DPP6: variants seen among roughly 807,000 people sequenced by gnomAD.
DPP6 encodes dipeptidyl peptidase like 6.
In DPP6, 69 loss-of-function variants were observed where a neutral mutation model predicts 122.6. That is an observed-to-expected ratio of 0.56 (90% confidence interval 0.46 to 0.69). DPP6 has a LOEUF of 0.69. DPP6 is among the 30% of genes least tolerant of loss of function. The pLI, the probability that DPP6 is intolerant of heterozygous loss-of-function variation, is 0.00. For missense variants in DPP6, 928 were observed against 1,116.9 expected, an observed-to-expected ratio of 0.83 and a Z score of 2.41; for synonymous variants, 418 against 433.1, an observed-to-expected ratio of 0.97 and a Z score of 0.43.
At chr7:153,842,950 C>T in the DPP6 span, among the ~76,000 whole-genome samples, 6 of 152,262 alleles carry the variant, frequency 3.9e-5, no homozygotes, top group Non-Finnish European at 5.9e-5. Flanking sequence ...GGAAGAAAAT[C>T]GATGCCCCCA....
the DPP6 span, among the ~76,000 whole-genome samples, chr7:153,871,740 C>T: frequency 3.9e-5 from 6 of 152,208 alleles, no homozygotes; most frequent in Non-Finnish European, 5.9e-5. Context: ...CCTTCTGCGT[C>T]GCTCACGCTG....
intron 1 of DPP6, among the ~76,000 whole-genome samples, chr7:154,158,842 C>A (rs1364404131): frequency 6.6e-6 from 1 of 152,002 alleles, no homozygotes; most frequent in Admixed American, 6.6e-5. Context: ...CACCTCTTGC[C>A]CAGGGAACAT....
At chr7:153,837,299 C>A in the DPP6 span, among the ~76,000 whole-genome samples, 1 of 152,172 alleles carries the variant, frequency 6.6e-6, no homozygotes. Flanking sequence ...ACAGCAATAG[C>A]TGCCAATGTT....
chr7:154,651,397 G>A (rs1013482534), intron 6 of DPP6, among the ~76,000 whole-genome samples: 5 of 152,148 alleles, frequency 3.3e-5, no homozygotes, highest in Admixed American at 6.5e-5. Context: ...TGCAGCCTGT[G>A]AAAAACCTAT....
At chr7:154,748,585 G>A (rs1032723634) in intron 8 of DPP6, among the ~76,000 whole-genome samples, 86 of 152,358 alleles carry the variant, frequency 5.6e-4, no homozygotes, top group African/African-American at 1.8e-3. Context: ...CCTGCGGGGC[G>A]GGGAGGGAGA....
chr7:154,815,184 C>A (rs1799339993), intron 16 of DPP6, among the ~76,000 whole-genome samples: 1 of 152,224 alleles, frequency 6.6e-6, no homozygotes, highest in Non-Finnish European at 1.5e-5. Flanking sequence ...GGTTTCACTG[C>A]ATTCTGGAAG....
chr7:154,216,802 G>C (rs1800024631), intron 1 of DPP6, among the ~76,000 whole-genome samples: 1 of 148,210 alleles, frequency 6.7e-6, no homozygotes, highest in Non-Finnish European at 1.5e-5. Flanking sequence ...GCTGTTGTTT[G>C]AGCAGAGGTC....
chr7:154,533,978 A>C (rs1417998160), intron 3 of DPP6, among the ~76,000 whole-genome samples: 3 of 150,076 alleles, frequency 2.0e-5, no homozygotes, highest in African/African-American at 7.4e-5. Context: ...AGCCTAGGTA[A>C]CAGAGCAAGA....
chr7:154,266,844 T>A (rs1156519471), intron 1 of DPP6, among the ~76,000 whole-genome samples: 1 of 152,222 alleles, frequency 6.6e-6, no homozygotes, highest in Admixed American at 6.5e-5. Flanking sequence ...CAAGATGTTA[T>A]TTGCCTTTTG....
intron 1 of DPP6, among the ~76,000 whole-genome samples, chr7:153,906,816 C>T (rs1799872531): frequency 6.6e-6 from 1 of 152,182 alleles, no homozygotes; most frequent in Non-Finnish European, 1.5e-5. Context: ...TTCTACCCCT[C>T]CTGGAAAAGA....
intron 12 of DPP6, among the ~76,000 whole-genome samples, chr7:154,800,805 C>T (rs1335484094): frequency 6.6e-6 from 1 of 152,112 alleles, no homozygotes; most frequent in Non-Finnish European, 1.5e-5. Context: ...TTTTTCTTGC[C>T]TTCTTGATGG....
chr7:154,865,687 T>C (rs1243469644), intron 17 of DPP6, among the ~76,000 whole-genome samples: 1 of 152,184 alleles, frequency 6.6e-6, no homozygotes, highest in East Asian at 1.9e-4. Context: ...GTTGATAGTC[T>C]GGCCTCAGTT....
At chr7:154,429,734 C>T (rs1043873113) in intron 1 of DPP6, among the ~76,000 whole-genome samples, 1 of 152,166 alleles carries the variant, frequency 6.6e-6, no homozygotes, top group African/African-American at 2.4e-5. Flanking sequence ...AATGTGGAGA[C>T]CACGTTCCTC....
rs1015994373 is a variant in DPP6 at position 154,251,778 on chromosome 7, C to T, written c.244-194436C>T. 7.7e-5 allele frequency among the ~76,000 whole-genome samples: 10 copies of T among 130,474 alleles called. No individual in the cohort carries two copies. The East Asian group carries it at 1.0e-3, about 13-fold the overall frequency. 85.6% of individuals were successfully genotyped at this position (130,474 alleles called of 152,430 possible). A position where few individuals can be genotyped will look rare whatever the true frequency, so the allele number is the denominator to read the frequency against. On this transcript the variant is annotated intron_variant, in intron 1 of 25. Coordinates refer to ENST00000377770, the MANE Select transcript of DPP6 (RefSeq NM_130797.4). Reference sequence around the variant, plus strand: ...GCCGGAAGTCTCAGCAAGTCGGCTTCTCCCACCTTCTCCTGCCTGCCTTAC... The same window carrying T: ...GCCGGAAGTCTCAGCAAGTCGGCTTTTCCCACCTTCTCCTGCCTGCCTTAC...
At chr7:154,359,897 T>C (rs1015035692) in intron 1 of DPP6, among the ~76,000 whole-genome samples, 1 of 152,150 alleles carries the variant, frequency 6.6e-6, no homozygotes, top group Non-Finnish European at 1.5e-5. Context: ...GCATTAGAAC[T>C]AGAAAGTCTA....
chr7:154,725,652 A>G (rs1266370085), intron 7 of DPP6, among the ~76,000 whole-genome samples: 2 of 152,106 alleles, frequency 1.3e-5, no homozygotes, highest in African/African-American at 4.8e-5. Flanking sequence ...AATCCAAACC[A>G]TATCATTCCA....
intron 25 of DPP6, 28 bp from the exon 26 acceptor site, chr7:154,892,306 G>A: frequency 1.9e-6 from 3 of 1,613,996 alleles, no homozygotes; most frequent in Non-Finnish European, 2.5e-6. Flanking sequence ...ATACCTGGGA[G>A]AGTAATTTCT....
At chr7:154,373,378 G>A (rs1812839926) in intron 1 of DPP6, among the ~76,000 whole-genome samples, 1 of 152,082 alleles carries the variant, frequency 6.6e-6, no homozygotes, top group African/African-American at 2.4e-5. Context: ...TTTATGTAAG[G>A]AGAGGCCATG....
In DPP6 at chr7:154,286,276, C is replaced by T. The variant is rs1272730214; in HGVS notation, c.244-159938C>T. ...AGCCAACAGCCCTGGGCAATTTCAT[C>T]AGCTTCCTATATCTCGGTGTAGCCA... On this transcript the variant is annotated intron_variant, in intron 1 of 25. Transcript: ENST00000377770. Among the ~76,000 whole-genome samples, 3 of 152,264 alleles carry T rather than the reference C, an allele frequency of 2.0e-5. No homozygotes were observed. In the East Asian group the frequency reaches 5.8e-4, roughly 29 times the overall value.
Sources: allele counts gnomAD v4.1 joint callset (sites outside exome capture counted in the v4.1 genomes callset), GRCh38; gene constraint gnomAD v4.1.1; transcripts MANE v1.5; gene names NCBI Gene and HGNC (gene_info 2026-07-23, HGNC 2026-07-21).